Variants in AIG1 observed in about 807,000 individuals in gnomAD.
The protein encoded by AIG1 is androgen-induced gene 1 protein.
Under a neutral mutation model 31.4 loss-of-function variants are expected in AIG1, and 23 were observed. The observed-to-expected ratio is 0.73, with a 90% confidence interval of 0.53 to 1.04. The LOEUF (loss-of-function observed/expected upper bound fraction) is 1.04, where lower values mean the gene tolerates loss of function less well. Ranked by LOEUF, AIG1 falls within the 50% of genes least tolerant of loss-of-function variation. The pLI is 0.00. For missense variants in AIG1, 274 were observed against 295.0 expected, an observed-to-expected ratio of 0.93 and a Z score of 0.52; for synonymous variants, 100 against 110.5, an observed-to-expected ratio of 0.90 and a Z score of 0.60.
rs1297626500 is a variant in AIG1, at chr6:143,165,111, T to G, written c.327T>G (p.Tyr109Ter). The G allele has an allele frequency of 6.2e-7, 1 of 1,613,598 alleles. No individual in the cohort carries two copies. ...TTGTAGCAGTGTTCTGGATCATTTA[T>G]GCCTATGACAGAGAGATGATATACC... The part of the protein sequence containing the change: ...VFVVAVFWII[Y>*]AYDREMIYPK... Residue 109 changes from tyrosine to a stop codon, truncating the protein, a stop_gained, in exon 3 of 6, where the codon TAT (tyrosine) becomes TAG (stop). Transcript: ENST00000357847. LOFTEE classifies it high-confidence loss of function.
chr6:143,274,863 A>G (rs1412317311), intron 3 of AIG1, among the ~76,000 whole-genome samples: 3 of 152,202 alleles, frequency 2.0e-5, no homozygotes, highest in Non-Finnish European at 4.4e-5. Flanking sequence ...GATAACTACT[A>G]CATTAGGATT....
rs762716018 is a variant in AIG1 at position 143,136,967 on chromosome 6, G to A, written c.274G>A (p.Val92Met). Residue 92 changes from valine (V) to methionine (M), a missense_variant, in exon 2 of 6, where the codon GTG (valine) becomes ATG (methionine). Around this residue, in one of 2 missense-constraint regions of AIG1, gnomAD observed 243 missense variants for 238.5 expected, o/e 1.02. Transcript: ENST00000357847. ...CTCTCTCCGGGACTGGATGTTAGCT[G>A]TGTTGGCCTTTCCTGTTGGGGTTGT... ...LISLRDWMLA[V>M]LAFPVGVFVV... 6.8e-7 allele frequency: 1 copy of A among 1,465,848 alleles called. No homozygotes were observed. The highest frequency in any genetic ancestry group is 9.2e-7 in the Non-Finnish European group (1 of 1,091,124). 90.8% of individuals were successfully genotyped at this position (1,465,848 alleles called of 1,614,324 possible).
intron 3 of AIG1, among the ~76,000 whole-genome samples, chr6:143,220,382 G>T (rs1025444713): frequency 6.6e-6 from 1 of 152,132 alleles, no homozygotes; most frequent in Non-Finnish European, 1.5e-5. Context: ...TATCTGTCTT[G>T]TCCCTCCCCC....
chr6:143,219,481 C>T (rs189946414), intron 3 of AIG1, among the ~76,000 whole-genome samples: 2 of 152,018 alleles, frequency 1.3e-5, no homozygotes, highest in Non-Finnish European at 2.9e-5. Context: ...AAAAACAAAA[C>T]AAAACAAAAC....
In AIG1 at chr6:143,316,382, A is replaced by G. The variant is rs115251257; in HGVS notation, c.516-16900A>G. 9.2e-3 allele frequency among the ~76,000 whole-genome samples: 1,397 copies of G among 152,176 alleles called. 15 individuals carry two copies. The highest frequency in any genetic ancestry group is 0.032 in the African/African-American group (1,344 of 41,534). On this transcript the variant is annotated intron_variant, in intron 4 of 5. Coordinates refer to ENST00000357847, the MANE Select transcript of AIG1 (RefSeq NM_016108.4). ...AGTTTCACTGGAAACAAAATTTTTG[A>G]CTGATAATTGTTTTGTTTAAGGAGG...
At chr6:143,316,661 C>A (rs767441088) in intron 4 of AIG1, among the ~76,000 whole-genome samples, 1 of 151,496 alleles carries the variant, frequency 6.6e-6, no homozygotes, top group Non-Finnish European at 1.5e-5. Flanking sequence ...CAGAGCTGAA[C>A]TAAATGAAAT....
intron 4 of AIG1, among the ~76,000 whole-genome samples, chr6:143,317,749 C>T (rs569097885): frequency 5.9e-5 from 9 of 152,108 alleles, no homozygotes; most frequent in South Asian, 4.1e-4. Flanking sequence ...AAAACCTTAA[C>T]GACTCCTCCA....
intron 3 of AIG1, among the ~76,000 whole-genome samples, chr6:143,185,884 C>A (rs1272007464): frequency 6.6e-6 from 1 of 152,212 alleles, no homozygotes; most frequent in Non-Finnish European, 1.5e-5. Flanking sequence ...TGAACCTAAG[C>A]CGGTACCTAT....
intron 4 of AIG1, among the ~76,000 whole-genome samples, chr6:143,322,689 GT>G (rs1354807496): frequency 6.6e-6 from 1 of 152,194 alleles, no homozygotes; most frequent in African/African-American, 2.4e-5. Context: ...CAGGAAATGT[GT>G]TGGAGGAAAA....
chr6:143,086,177 C>CG (rs1562360103), intron 1 of AIG1, among the ~76,000 whole-genome samples: 1 of 152,088 alleles, frequency 6.6e-6, no homozygotes, highest in African/African-American at 2.4e-5. Flanking sequence ...AGGAAGGCTA[C>CG]GGGTTGTCAG....
intron 3 of AIG1, among the ~76,000 whole-genome samples, chr6:143,226,082 A>G (rs1792922460): frequency 1.3e-5 from 2 of 152,290 alleles, no homozygotes; most frequent in East Asian, 3.9e-4. Context: ...TTGTGTAATG[A>G]TGATAGAGAA....
intron 3 of AIG1, among the ~76,000 whole-genome samples, chr6:143,269,829 CAAG>C (rs1796387826): frequency 1.3e-5 from 2 of 152,170 alleles, no homozygotes; most frequent in Admixed American, 1.3e-4. Context: ...TTCACTGTGA[CAAG>C]AAGAAGTCTG....
At position 143,297,933 on chromosome 6, in the gene AIG1, T is replaced by A. The variant is rs1476376407; in HGVS notation, c.515+13708T>A. Among the ~76,000 whole-genome samples the A allele has an allele frequency of 2.6e-5, 4 of 152,130 alleles. No homozygotes were observed. Among genetic ancestry groups the A allele is most frequent in the African/African-American group, 9.7e-5 (4 of 41,416 alleles). On this transcript the variant is annotated intron_variant, in intron 4 of 5. Coordinates refer to ENST00000357847, the MANE Select transcript of AIG1 (RefSeq NM_016108.4). This position sits in a 1 kb window ranked among gnomAD's most constrained non-coding sequence, Gnocchi z 5.1. ...CACGCAACAGTAGAAAAACAAGATG[T>A]GTAAGTCACCCATAAAGCTGAGAAT...
intron 2 of AIG1, among the ~76,000 whole-genome samples, chr6:143,155,052 T>C (rs909688231): frequency 3.3e-5 from 5 of 150,996 alleles, no homozygotes; most frequent in Admixed American, 2.6e-4. Flanking sequence ...AGTGATGTGG[T>C]TTCGCCATGT....
At chr6:143,229,937 T>C (rs1793317678) in intron 3 of AIG1, among the ~76,000 whole-genome samples, 1 of 152,144 alleles carries the variant, frequency 6.6e-6, no homozygotes, top group South Asian at 2.1e-4. Flanking sequence ...ATGGGACATT[T>C]CATGGTCTTA....
In AIG1 at chr6:143,248,429, C is replaced by CTT. The variant is rs1794766860; in HGVS notation, c.400-35680_400-35679insTT. 5.3e-5 allele frequency among the ~76,000 whole-genome samples: 8 copies of CTT among 152,306 alleles called. No individual in the cohort carries two copies. The South Asian group carries it at 1.7e-3, about 32-fold the overall frequency. On this transcript the variant is annotated intron_variant, in intron 3 of 5. Coordinates refer to ENST00000357847, the MANE Select transcript of AIG1 (RefSeq NM_016108.4). The stretch of plus-strand genomic sequence containing the variant: ...ATAGGGTGTAATTAGAGACACCAAG[C>CTT]TATAGCTTGTTGCTTTAAAGACTAT...
chr6:143,163,566 T>C (rs1312095745), intron 2 of AIG1, among the ~76,000 whole-genome samples: 2 of 152,136 alleles, frequency 1.3e-5, no homozygotes, highest in Non-Finnish European at 2.9e-5. Context: ...TTGGTTCTAC[T>C]ACAAAATCTT....
intron 2 of AIG1, among the ~76,000 whole-genome samples, chr6:143,160,509 C>G (rs1035471697): frequency 3.3e-5 from 5 of 152,212 alleles, no homozygotes; most frequent in Admixed American, 3.3e-4. Context: ...TGTGCTCCTT[C>G]CACTCTCAGT....
intron 1 of AIG1, among the ~76,000 whole-genome samples, chr6:143,091,769 G>A (rs989020150): frequency 1.3e-5 from 2 of 152,124 alleles, no homozygotes; most frequent in Admixed American, 6.5e-5. Flanking sequence ...AAAGTTAAAG[G>A]TTCCAAATAT....
Sources: gnomAD v4.1 joint callset for allele counts (sites outside exome capture counted in the v4.1 genomes callset) on GRCh38, gnomAD v4.1.1 for gene constraint, gnomAD v4.1.1 regional missense constraint, Gnocchi (gnomAD v3.1) non-coding constraint, MANE v1.5 for transcripts, NCBI Gene and HGNC (gene_info 2026-07-23, HGNC 2026-07-21) for gene names.